Variants in CFAP92 observed in about 807,000 individuals in gnomAD.
The protein encoded by CFAP92 is cilia and flagella associated protein 92 (putative).
CFAP92 carries 86 observed loss-of-function variants against 106.3 expected under a neutral mutation model. That is an observed-to-expected ratio of 0.81 (90% CI 0.68 to 0.97). The LOEUF (loss-of-function observed/expected upper bound fraction) is 0.97. Ranked by LOEUF, CFAP92 falls within the 50% of genes least tolerant of loss-of-function variation. The pLI, the probability that CFAP92 is intolerant of heterozygous loss-of-function variation, is 0.00. For missense variants in CFAP92, 1,204 were observed against 1,283.8 expected (o/e 0.94, Z 0.95); for synonymous variants, 477 against 506.4 (o/e 0.94, Z 0.78).
chr3:128,922,682 T>C (rs1937393068), intron 12 of CFAP92, among the ~76,000 whole-genome samples: 1 of 152,222 alleles, frequency 6.6e-6, no homozygotes, highest in Non-Finnish European at 1.5e-5. Context: ...TAGGGCCTGC[T>C]TCAGAAGTTT....
intron 8 of CFAP92, chr3:128,970,739 C>A (rs1942729322): frequency 1.3e-5 from 2 of 153,782 alleles, no homozygotes; most frequent in African/African-American, 4.8e-5. Context: ...AGGAAAGTTA[C>A]TTAACCTCTT....
upstream of CFAP92, among the ~76,000 whole-genome samples, chr3:128,996,324 C>G (rs907977142): frequency 6.6e-6 from 1 of 152,198 alleles, no homozygotes; most frequent in Admixed American, 6.5e-5. Context: ...CAAATTGTTG[C>G]TCTCTTAAAC....
rs548430737 is a variant in CFAP92, at chr3:128,988,911, CT to C, written c.269del (p.Lys90ArgfsTer7). ...TTTCAATCAAACTTGCATATTTTCC[CT>C]TCTGACCTTGAAGATACAGATTGAA... is the stretch of plus-strand genomic sequence containing the variant. Reference protein sequence around the residue: ...SLAFPVNMGQKGKYASLIEKY... With the variant: ...SLAFPVNMGQXGKYASLIEKY... On this transcript the variant is annotated frameshift_variant, in exon 3 of 16. Coordinates refer to ENST00000645291, the MANE Select transcript of CFAP92 (RefSeq NM_001394090.1). LOFTEE classifies it high-confidence loss of function. The C allele has an allele frequency of 6.5e-5, 105 of 1,611,478 alleles. No homozygotes were observed. The highest frequency in any genetic ancestry group is 8.7e-5 in the Non-Finnish European group (103 of 1,178,326).
At chr3:129,015,207 C>T in the CFAP92 span, among the ~76,000 whole-genome samples, 1 of 152,260 alleles carries the variant, frequency 6.6e-6, no homozygotes, top group East Asian at 1.9e-4. Flanking sequence ...CTCCAGGGCT[C>T]CCCTTCTCAG....
chr3:128,933,297 C>G (rs1245389394), intron 11 of CFAP92, among the ~76,000 whole-genome samples: 1 of 152,244 alleles, frequency 6.6e-6, no homozygotes, highest in Non-Finnish European at 1.5e-5. Flanking sequence ...CATCGGGACA[C>G]AGCCCCACCA....
chr3:128,982,438 T>C (rs1053763098), intron 4 of CFAP92, among the ~76,000 whole-genome samples: 1 of 152,034 alleles, frequency 6.6e-6, no homozygotes, highest in South Asian at 2.1e-4. Flanking sequence ...TTGTGGCTGG[T>C]GTGATCTTCT....
intron 7 of CFAP92, 80 bp from the exon 8 acceptor site, chr3:128,971,513 G>GAGATTCAGGA: frequency 1.7e-6 from 2 of 1,194,946 alleles, no homozygotes; most frequent in Non-Finnish European, 2.3e-6. Context: ...ACATGCTACA[G>GAGATTCAGGA]AGATTCAGGA....
intron 10 of CFAP92, among the ~76,000 whole-genome samples, chr3:128,943,553 G>A (rs1237644193): frequency 6.8e-6 from 1 of 146,016 alleles, no homozygotes; most frequent in Non-Finnish European, 1.5e-5. Context: ...TTTTTTTCTT[G>A]AGACGGAGTT....
chr3:128,931,788 C>T (rs1052499451), intron 12 of CFAP92, among the ~76,000 whole-genome samples: 2 of 151,682 alleles, frequency 1.3e-5, no homozygotes, highest in Non-Finnish European at 2.9e-5. Flanking sequence ...TTTGGGAGGC[C>T]GAGGCAGGAG....
chr3:128,929,904 G>A lies in CFAP92; in HGVS notation c.2751+2796C>T, dbSNP rs181395322. 1.4e-3 allele frequency among the ~76,000 whole-genome samples: 214 copies of A among 152,176 alleles called. 2 individuals are homozygous for A. The highest frequency in any genetic ancestry group is 1.6e-3 in the Non-Finnish European group (112 of 68,004). Reference sequence around the variant, plus strand: ...ACTGATTTATATATACTTACAATAGGTGAATTTTATGGTATGTAAATTATA... The same window carrying A: ...ACTGATTTATATATACTTACAATAGATGAATTTTATGGTATGTAAATTATA... On this transcript the variant is annotated intron_variant, in intron 12 of 15. Coordinates refer to ENST00000645291, the MANE Select transcript of CFAP92 (RefSeq NM_001394090.1).
At chr3:128,993,007 T>A in intron 2 of CFAP92, 36 bp downstream of exon 2, 1 of 1,609,764 alleles carries the variant, frequency 6.2e-7, no homozygotes. Context: ...CACCTCCTTT[T>A]TTCAGAGGGT....
rs75641688 is a variant in CFAP92, at chr3:128,949,134, G to A, written c.1354-3159C>T. ...TGATGAGAATGCAGAGTGATCAGCC[G>A]CACTGGAAAATGGTGGGCAGTTTTT... On this transcript the variant is annotated intron_variant, in intron 9 of 15. Coordinates refer to ENST00000645291, the MANE Select transcript of CFAP92 (RefSeq NM_001394090.1). Among the ~76,000 whole-genome samples, 739 of 152,288 alleles carry A rather than the reference G, an allele frequency of 4.9e-3. 9 individuals are homozygous for A. The highest frequency in any genetic ancestry group is 0.016 in the African/African-American group (680 of 41,554).
upstream of CFAP92, among the ~76,000 whole-genome samples, chr3:128,997,971 CT>C (rs1384295766): frequency 6.6e-6 from 1 of 152,148 alleles, no homozygotes; most frequent in Non-Finnish European, 1.5e-5. Context: ...GATTTATTGC[CT>C]GTTTTATTCA....
At chr3:128,957,931 G>A (rs546571027) in intron 9 of CFAP92, among the ~76,000 whole-genome samples, 11 of 152,318 alleles carry the variant, frequency 7.2e-5, no homozygotes, top group East Asian at 3.9e-4. Flanking sequence ...CTCAGAAGGT[G>A]CTCAGGAAGG....
At chr3:128,916,381 T>C (rs1936820110) in intron 12 of CFAP92, 110 bp from the exon 13 acceptor site, 2 of 702,828 alleles carry the variant, frequency 2.8e-6, no homozygotes, top group Admixed American at 4.3e-5. Flanking sequence ...CAGGTATTGA[T>C]TGATTCTTCA....
At position 128,993,152 on chromosome 3, in the gene CFAP92, CG is replaced by C. The variant is rs1559941483; in HGVS notation, c.152del (p.Pro51ArgfsTer35). The C allele has an allele frequency of 6.2e-7, 1 of 1,614,084 alleles. No homozygotes were observed. The highest frequency in any genetic ancestry group is 8.5e-7 in the Non-Finnish European group (1 of 1,179,906). ...CAGATGAGGACTCGATGCTGCTGCA[CG>C]GGCGGTCAGAGTCAGACTCCTGGGC... is the stretch of plus-strand genomic sequence containing the variant. ...ARAQESDSDRPCSSIESSSEP... is the reference protein window; with the variant it reads ...ARAQESDSDRXCSSIESSSEP... On this transcript the variant is annotated frameshift_variant, in exon 2 of 16. Coordinates refer to ENST00000645291, the MANE Select transcript of CFAP92 (RefSeq NM_001394090.1). LOFTEE classifies it high-confidence loss of function.
chr3:129,002,452 C>G (rs1303232054), intron 1 of CFAP92: 7 of 1,389,452 alleles, frequency 5.0e-6, no homozygotes, highest in African/African-American at 1.5e-5. Flanking sequence ...CCACACCATC[C>G]CACTCCGCAT....
chr3:129,004,086 G>C, upstream of CFAP92: 1 of 1,487,108 alleles, frequency 6.7e-7, no homozygotes, highest in East Asian at 2.8e-5. Context: ...AGGTGAGCGG[G>C]GGCGCGTGCC....
At chr3:129,024,715 C>T in the CFAP92 span, among the ~76,000 whole-genome samples, 6 of 151,990 alleles carry the variant, frequency 3.9e-5, no homozygotes, top group African/African-American at 1.2e-4. Context: ...GGAGCCCACT[C>T]CTGCAGTAAT....
Sources: gnomAD v4.1 joint callset for allele counts (sites outside exome capture counted in the v4.1 genomes callset) on GRCh38, gnomAD v4.1.1 for gene constraint, MANE v1.5 for transcripts, NCBI Gene and HGNC (gene_info 2026-07-23, HGNC 2026-07-21) for gene names.